Variants in SEC31B observed in about 807,000 individuals in gnomAD.
SEC31B encodes SEC31 homolog B, COPII component.
A neutral mutation model predicts 135.0 loss-of-function variants in SEC31B; 113 were observed. The observed-to-expected ratio is 0.84, with a 90% CI of 0.72 to 0.98. The LOEUF is 0.98. Ranked by LOEUF, SEC31B falls within the 50% of genes least tolerant of loss-of-function variation. The pLI, the probability that SEC31B is intolerant of heterozygous loss-of-function variation, is 0.00. For missense variants in SEC31B, 1,296 were observed against 1,421.1 expected (o/e 0.91, Z 1.42); for synonymous variants, 508 against 549.4 (o/e 0.92, Z 1.05).
chr10:100,508,587 A>C, intron 5 of SEC31B: 1 of 449,084 alleles, frequency 2.2e-6, no homozygotes, highest in Non-Finnish European at 4.4e-6. Context: ...GCAGAGCCAC[A>C]TACAGGGAGA....
chr10:100,498,298 T>G, intron 14 of SEC31B, 91 bp from the exon 15 acceptor site: 54 of 1,190,078 alleles, frequency 4.5e-5, no homozygotes, highest in Middle Eastern at 2.4e-4. Context: ...TCTATATCTC[T>G]ATATCACTCA....
intron 3 of SEC31B, among the ~76,000 whole-genome samples, chr10:100,513,268 T>G (rs937976814): frequency 6.6e-6 from 1 of 152,230 alleles, no homozygotes; most frequent in South Asian, 2.1e-4. Context: ...AAAGCAGAGA[T>G]AAAATACTTA....
rs368319378 is a variant in SEC31B at position 100,508,032 on chromosome 10, T to C, written c.515A>G (p.Lys172Arg). The part of the protein sequence containing the change: ...SKSQQPPEDI[K>R]ALSWNRQAQH... ...GGCTTGCCGGTTCCAAGACAGTGCC[T>C]TGATGTCCTCTGGAGGCTGCTAAGG... The change falls in exon 6 of 26, where the codon AAG becomes AGG. Residue 172 changes from lysine to arginine, a missense_variant. Lys to Arg is a conservative substitution (Grantham distance 26, BLOSUM62 2). Coordinates refer to ENST00000370345, the MANE Select transcript of SEC31B (RefSeq NM_015490.4). The C allele has an allele frequency of 1.9e-5, 31 of 1,614,090 alleles. No individual in the cohort carries two copies. Among genetic ancestry groups the C allele is most frequent in the Non-Finnish European group, 2.5e-5 (30 of 1,180,048 alleles).
chr10:100,502,415 G>A lies in SEC31B; in HGVS notation c.1249C>T (p.Arg417Cys), dbSNP rs1315313164. ...GTGACTTGACTGATGAAGACTAGGC[G>A]GGGGCAAGGCTGTGGCACCAGATGG... ...PAHLVPQPCP[R>C]LVFISQVTTE... The change falls in exon 11 of 26, where the codon CGC (arginine) becomes TGC (cysteine). Residue 417 changes from arginine to cysteine, a missense_variant. Arg to Cys is a radical substitution (Grantham distance 180). Transcript: ENST00000370345. The A allele has an allele frequency of 4.0e-5, 64 of 1,614,038 alleles. No individual in the cohort carries two copies. Among genetic ancestry groups the A allele is most frequent in the Non-Finnish European group, 4.6e-5 (54 of 1,180,050 alleles).
At chr10:100,498,262 C>A (rs931502248) in intron 14 of SEC31B, 55 bp from the exon 15 acceptor site, 5 of 1,572,406 alleles carry the variant, frequency 3.2e-6, no homozygotes, top group Non-Finnish European at 2.6e-6. Context: ...CAACTTCCTG[C>A]CCCCTGCAGG....
rs752870023 is a variant in SEC31B at position 100,490,319 on chromosome 10, G to T, written c.2654C>A (p.Ser885Ter). ...LPLSPGVRPA[S>*]SQPQLLGGQR... ...CCCTCCTAATAGCTGTGGCTGAGAT[G>T]AAGCTGAAGCAGAACAGAAATAGGT... Residue 885 changes from serine to a stop codon, truncating the protein, a stop_gained, in exon 21 of 26, where the codon TCA becomes TAA. Transcript: ENST00000370345. LOFTEE classifies it high-confidence loss of function. 5 of 1,611,990 alleles carry T rather than the reference G, an allele frequency of 3.1e-6. No individual in the cohort carries two copies. The highest frequency in any genetic ancestry group is 4.2e-6 in the Non-Finnish European group (5 of 1,178,966).
At chr10:100,502,196 G>A (rs563347352) in intron 11 of SEC31B, 58 bp downstream of exon 11, 18 of 1,348,956 alleles carry the variant, frequency 1.3e-5, no homozygotes, top group African/African-American at 1.0e-4. Flanking sequence ...GTTGACAGAG[G>A]TTGGAGTTCC....
chr10:100,516,504 C>G (rs1029861302), intron 2 of SEC31B, among the ~76,000 whole-genome samples: 3 of 151,846 alleles, frequency 2.0e-5, no homozygotes, highest in Non-Finnish European at 2.9e-5. Context: ...AAAAAATTAG[C>G]CAGATGTGGT....
intron 24 of SEC31B, among the ~76,000 whole-genome samples, chr10:100,488,653 G>T (rs554730772): frequency 6.6e-6 from 1 of 151,998 alleles, no homozygotes; most frequent in Admixed American, 6.6e-5. Context: ...CAATGCTGCT[G>T]GGTCCTACCA....
chr10:100,503,217 C>T (rs1161493276), intron 10 of SEC31B, among the ~76,000 whole-genome samples: 2 of 152,136 alleles, frequency 1.3e-5, no homozygotes, highest in Non-Finnish European at 2.9e-5. Flanking sequence ...AAATTAGATG[C>T]CTTATATAAA....
intron 16 of SEC31B, 120 bp from the exon 17 acceptor site, chr10:100,497,400 C>A: frequency 3.3e-6 from 5 of 1,524,282 alleles, no homozygotes; most frequent in Non-Finnish European, 4.4e-6. Flanking sequence ...TAAGACAACA[C>A]TGAGACTCAC....
chr10:100,496,454 G>T, intron 17 of SEC31B, 23 bp from the exon 18 acceptor site: 1 of 1,612,844 alleles, frequency 6.2e-7, no homozygotes, highest in Non-Finnish European at 8.5e-7. Context: ...GGATGAGGGT[G>T]GTAAGCCTTC....
chr10:100,490,301 A>C lies in SEC31B; in HGVS notation c.2672T>G (p.Leu891Ter). The change falls in exon 21 of 26, where the codon TTA becomes TGA. Residue 891 changes from leucine (L) to a stop codon, truncating the protein, a stop_gained. Transcript: ENST00000370345. LOFTEE classifies it high-confidence loss of function. The stretch of plus-strand genomic sequence containing the variant: ...AGGAACTTGCACCCTTTGCCCTCCT[A>C]ATAGCTGTGGCTGAGATGAAGCTGA... ...VRPASSQPQL[L>*]GGQRVQVPNP... The C allele has an allele frequency of 6.2e-7, 1 of 1,613,472 alleles. No individual in the cohort carries two copies. Among genetic ancestry groups the C allele is most frequent in the Non-Finnish European group, 8.5e-7 (1 of 1,179,716 alleles).
chr10:100,490,833 TG>T lies in SEC31B; in HGVS notation c.2522del (p.Pro841GlnfsTer21). The T allele has an allele frequency of 6.3e-7, 1 of 1,595,128 alleles. No homozygotes were observed. Among genetic ancestry groups the T allele is most frequent in the Non-Finnish European group, 8.6e-7 (1 of 1,168,160 alleles). ...RPRVFTPQSS[P>X]AMPLAPSHPS... ...GATGGGAAGGTGCCAAGGGCATCGCTGGTGATGACTGAGGGGTGAAAACCCT... is the reference window on the plus strand; with the variant it reads ...GATGGGAAGGTGCCAAGGGCATCGCTGTGATGACTGAGGGGTGAAAACCCT... On this transcript the variant is annotated frameshift_variant, in exon 20 of 26. Coordinates refer to ENST00000370345, the MANE Select transcript of SEC31B (RefSeq NM_015490.4). LOFTEE classifies it high-confidence loss of function.
At chr10:100,496,178 G>A (rs1851404448) in intron 18 of SEC31B, 80 bp downstream of exon 18, 19 of 1,470,404 alleles carry the variant, frequency 1.3e-5, no homozygotes, top group Middle Eastern at 1.8e-4. Flanking sequence ...CATTAGCATA[G>A]TGCCTGGAAT....
In SEC31B at chr10:100,489,752, T is replaced by A. The variant is rs778768532; in HGVS notation, c.2975A>T (p.Asp992Val). ...GGGGGCTGGGGCTTCTTTCCAGGAA[T>A]CTTGAGGTCCTATAGAATAAAAAGA... ...GILTPHPGPQ[D>V]SWKEAPAPRG... The change falls in exon 22 of 26, where the codon GAT (aspartate) becomes GTT (valine). Residue 992 changes from aspartate (D) to valine (V), a missense_variant. By Grantham distance (152) the Asp-to-Val change is radical. Transcript: ENST00000370345. 7 of 1,613,856 alleles carry A rather than the reference T, an allele frequency of 4.3e-6. No homozygotes were observed. In the South Asian group the frequency reaches 7.7e-5, roughly 18 times the overall value.
rs1324832558 is a variant in SEC31B at position 100,496,446 on chromosome 10, A to G, written c.2137-15T>C. ...TCCATCAGGTCCTGTAAGGGCAAGG[A>G]TGAGGGTGGTAAGCCTTCAATGAGG... is the stretch of plus-strand genomic sequence containing the variant. On this transcript the variant is annotated splice_polypyrimidine_tract_variant and intron_variant, in intron 17 of 25. Coordinates refer to ENST00000370345, the MANE Select transcript of SEC31B (RefSeq NM_015490.4). 8 of 1,613,610 alleles carry G rather than the reference A, an allele frequency of 5.0e-6. No individual in the cohort carries two copies. Among genetic ancestry groups the G allele is most frequent in the Non-Finnish European group, 6.8e-6 (8 of 1,179,788 alleles).
chr10:100,519,779 A>G lies in SEC31B; in HGVS notation c.-46+3T>C, dbSNP rs1209862513. On this transcript the variant is annotated splice_donor_region_variant and intron_variant, in intron 1 of 25. Coordinates refer to ENST00000370345, the MANE Select transcript of SEC31B (RefSeq NM_015490.4). ...GGACCCCAGACCGGCGGGGCGAACC[A>G]ACCTGTGCGGAAGACCCCGGACAAG... 1 of 152,268 alleles carries G rather than the reference A, an allele frequency of 6.6e-6. No individual in the cohort carries two copies. The highest frequency in any genetic ancestry group is 1.5e-5 in the Non-Finnish European group (1 of 68,088). 9.4% of individuals were successfully genotyped at this position (152,268 alleles called of 1,614,324 possible). A position where few individuals can be genotyped will look rare whatever the true frequency, so the allele number is the denominator to read the frequency against.
chr10:100,501,137 T>C (rs1295667260), intron 11 of SEC31B, among the ~76,000 whole-genome samples: 1 of 151,852 alleles, frequency 6.6e-6, no homozygotes, highest in East Asian at 1.9e-4. Flanking sequence ...CCCAGCTATT[T>C]AGGAGGCTGA....
Sources: gnomAD v4.1 joint callset for allele counts (sites outside exome capture counted in the v4.1 genomes callset) on GRCh38, gnomAD v4.1.1 for gene constraint, MANE v1.5 for transcripts, NCBI Gene and HGNC (gene_info 2026-07-23, HGNC 2026-07-21) for gene names.